The following FRMD4A variants were observed in gnomAD, a reference collection of about 807,000 sequenced individuals.
FRMD4A encodes the protein FERM domain-containing protein 4A.
In FRMD4A, 29 loss-of-function variants were observed where a neutral mutation model predicts 129.1. That is an observed-to-expected ratio of 0.22 (90% confidence interval 0.17 to 0.31). FRMD4A has a LOEUF of 0.31. FRMD4A is among the 10% of genes least tolerant of loss of function. The pLI, the probability that FRMD4A is intolerant of heterozygous loss-of-function variation, is 1.00. For missense variants in FRMD4A, 1,272 were observed against 1,375.8 expected (o/e 0.92, Z 1.19); for synonymous variants, 634 against 571.6 (o/e 1.11, Z -1.56).
At chr10:14,210,560 A>G (rs1026266107) in intron 2 of FRMD4A, among the ~76,000 whole-genome samples, 3 of 152,142 alleles carry the variant, frequency 2.0e-5, no homozygotes, top group Admixed American at 6.5e-5. Flanking sequence ...ATGGACCTTC[A>G]GTATCATTTA....
At chr10:14,225,201 T>C (rs1485517407) in intron 2 of FRMD4A, among the ~76,000 whole-genome samples, 1 of 152,232 alleles carries the variant, frequency 6.6e-6, no homozygotes, top group Non-Finnish European at 1.5e-5. Flanking sequence ...TCGTCACTAC[T>C]AAAATCATCA....
chr10:13,674,628 G>A (rs772986021), intron 16 of FRMD4A, among the ~76,000 whole-genome samples: 1 of 152,166 alleles, frequency 6.6e-6, no homozygotes, highest in Admixed American at 6.5e-5. Context: ...ATCACATAGT[G>A]CATTTCCCAG....
At chr10:14,024,299 T>G (rs1164987492) in intron 2 of FRMD4A, among the ~76,000 whole-genome samples, 1 of 152,208 alleles carries the variant, frequency 6.6e-6, no homozygotes, top group African/African-American at 2.4e-5. Flanking sequence ...CCAAGGACTT[T>G]CGGAGTGGCA....
intron 2 of FRMD4A, among the ~76,000 whole-genome samples, chr10:13,953,538 C>A (rs1015263499): frequency 6.6e-6 from 1 of 152,178 alleles, no homozygotes; most frequent in Non-Finnish European, 1.5e-5. Flanking sequence ...GGGACATGGA[C>A]CCTCCCTTTG....
intron 2 of FRMD4A, among the ~76,000 whole-genome samples, chr10:13,877,464 C>T (rs1018158025): frequency 2.0e-5 from 3 of 151,552 alleles, no homozygotes; most frequent in Admixed American, 6.6e-5. Flanking sequence ...CAGGGACGCT[C>T]GAGAACTAGA....
Position 14,259,277 on chromosome 10 carries a change from CACAAATTCATAAGAAT to C in FRMD4A, c.45+70765_45+70780del, listed in dbSNP as rs777247904. Among the ~76,000 whole-genome samples the C allele has an allele frequency of 7.0e-4, 106 of 152,136 alleles. 1 individual carries two copies. Among genetic ancestry groups the C allele is most frequent in the South Asian group, 6.4e-3 (31 of 4,816 alleles). ...ATTTACCTAATGTAAAAAGTGGCCTCACAAATTCATAAGAATACAAAACCATCTCAAAAAAGTTAAA... is the reference window on the plus strand; with the variant it reads ...ATTTACCTAATGTAAAAAGTGGCCTCACAAAACCATCTCAAAAAAGTTAAA... On this transcript the variant is annotated intron_variant, in intron 2 of 24. Coordinates refer to ENST00000357447, the MANE Select transcript of FRMD4A (RefSeq NM_018027.5).
At chr10:14,179,306 G>A (rs4748089) in intron 2 of FRMD4A, among the ~76,000 whole-genome samples, 130,090 of 152,190 alleles carry the variant, frequency 0.85, 57,511 homozygotes, top group East Asian at 1. Flanking sequence ...CCTAAGCACC[G>A]TGAAGGCTTT....
chr10:14,141,815 ATG>A (rs907793880), intron 2 of FRMD4A, among the ~76,000 whole-genome samples: 4 of 76,576 alleles, frequency 5.2e-5, no homozygotes, highest in Non-Finnish European at 1.5e-4. Context: ...ACGTGTGCAC[ATG>A]TGTGTGTGTG....
Position 13,645,938 on chromosome 10 carries a change from A to G in FRMD4A, c.*1100T>C, listed in dbSNP as rs1319210103. 3.9e-5 allele frequency: 6 copies of G among 152,616 alleles called. No homozygotes were observed. The highest frequency in any genetic ancestry group is 5.9e-5 in the Non-Finnish European group (4 of 68,036). The allele number at this position is 152,616 out of a possible 1,614,324, so 9.5% of individuals were successfully genotyped here. ...TTACTGGTTGGTTTAATGAGAGAGA[A>G]CCACTTTTGGCCATTATCACCTTAC... is the stretch of plus-strand genomic sequence containing the variant. On this transcript the variant is annotated 3_prime_UTR_variant, in exon 25 of 25. Coordinates refer to ENST00000357447, the MANE Select transcript of FRMD4A (RefSeq NM_018027.5).
chr10:13,788,836 C>CT (rs35468683), intron 5 of FRMD4A, among the ~76,000 whole-genome samples: 106,530 of 152,212 alleles, frequency 0.7, 37,598 homozygotes, highest in African/African-American at 0.77. Flanking sequence ...CCGTCCCCTT[C>CT]TTTGACAAGT....
chr10:14,209,005 G>A (rs2131952596), intron 2 of FRMD4A, among the ~76,000 whole-genome samples: 1 of 152,256 alleles, frequency 6.6e-6, no homozygotes, highest in South Asian at 2.1e-4. Flanking sequence ...TGTGGGAGAG[G>A]TCAGGCACTG....
chr10:14,321,861 C>A (rs1843070109), intron 2 of FRMD4A, among the ~76,000 whole-genome samples: 1 of 152,102 alleles, frequency 6.6e-6, no homozygotes, highest in South Asian at 2.1e-4. Context: ...GTGATTGTAT[C>A]ATGGGGGCGG....
At chr10:14,152,114 GTGCTTTTTTTTTTT>G (rs1840367298) in intron 2 of FRMD4A, among the ~76,000 whole-genome samples, 2 of 124,604 alleles carry the variant, frequency 1.6e-5, no homozygotes. Flanking sequence ...TGTTTGTGTA[GTGCTTTTTTTTTTT>G]TTTTTTTTTT....
intron 2 of FRMD4A, among the ~76,000 whole-genome samples, chr10:14,263,766 A>C (rs1844885407): frequency 6.6e-6 from 1 of 152,122 alleles, no homozygotes; most frequent in Non-Finnish European, 1.5e-5. Context: ...GAAGATAACT[A>C]TCAGGTTCTC....
chr10:14,328,538 T>C (rs1013942488), intron 2 of FRMD4A, among the ~76,000 whole-genome samples: 1 of 151,962 alleles, frequency 6.6e-6, no homozygotes, highest in African/African-American at 2.4e-5. Flanking sequence ...TCCCTAAAGA[T>C]ATTTTTCAAG....
At chr10:13,739,968 C>T (rs1177248002) in intron 11 of FRMD4A, among the ~76,000 whole-genome samples, 3 of 152,138 alleles carry the variant, frequency 2.0e-5, no homozygotes, top group African/African-American at 4.8e-5. Context: ...GGTGTGGTGG[C>T]GCATGCCTGT....
intron 2 of FRMD4A, among the ~76,000 whole-genome samples, chr10:13,874,082 C>T (rs1355555468): frequency 6.6e-6 from 1 of 150,620 alleles, no homozygotes; most frequent in Non-Finnish European, 1.5e-5. Context: ...CTCGTCTCTA[C>T]TAAAAATACA....
intron 2 of FRMD4A, among the ~76,000 whole-genome samples, chr10:14,010,299 A>C (rs1330685089): frequency 6.6e-6 from 1 of 152,192 alleles, no homozygotes; most frequent in Non-Finnish European, 1.5e-5. Flanking sequence ...TTCAGATCAT[A>C]AGGGACATTT....
chr10:14,059,912 A>G (rs1588888759), intron 2 of FRMD4A, among the ~76,000 whole-genome samples: 1 of 152,234 alleles, frequency 6.6e-6, no homozygotes, highest in Admixed American at 6.5e-5. Flanking sequence ...AATTACAACA[A>G]TCCTATGAAC....
Sources: allele counts gnomAD v4.1 joint callset (sites outside exome capture counted in the v4.1 genomes callset), GRCh38; gene constraint gnomAD v4.1.1; transcripts MANE v1.5; gene names NCBI Gene and HGNC (gene_info 2026-07-23, HGNC 2026-07-21).